Variants in HTR4 observed in about 807,000 individuals in gnomAD.
HTR4 encodes 5-hydroxytryptamine receptor 4.
Under a neutral mutation model 36.8 loss-of-function variants are expected in HTR4, and 16 were observed. The observed-to-expected ratio is 0.43, with a 90% CI of 0.29 to 0.66. The LOEUF (loss-of-function observed/expected upper bound fraction) is 0.66. HTR4 is among the 30% of genes least tolerant of loss of function. The pLI is 0.13. For missense variants in HTR4, 438 were observed against 490.9 expected (o/e 0.89, Z 1.02); for synonymous variants, 189 against 185.1 (o/e 1.02, Z -0.17).
At chr5:148,488,883 T>C (rs1204496754) in intron 6 of HTR4, among the ~76,000 whole-genome samples, 1 of 152,200 alleles carries the variant, frequency 6.6e-6, no homozygotes, top group Non-Finnish European at 1.5e-5. Context: ...TACACCAAAG[T>C]GCGAGATCAA....
chr5:148,507,680 G>A lies in HTR4; in HGVS notation c.1076+1776C>T, dbSNP rs559207430. Among the ~76,000 whole-genome samples, 5 of 151,718 alleles carry A rather than the reference G, an allele frequency of 3.3e-5. No individual in the cohort carries two copies. The South Asian group carries it at 8.3e-4, about 25-fold the overall frequency. ...ACAATGATCCTGCAGATTACCAGAC[G>A]CAGCAGGATTTTAACAATACATCTT... is the stretch of plus-strand genomic sequence containing the variant. On this transcript the variant is annotated intron_variant, in intron 6 of 6. Transcript: ENST00000377888.
At chr5:148,569,707 A>G (rs1760599080) in intron 2 of HTR4, among the ~76,000 whole-genome samples, 1 of 151,976 alleles carries the variant, frequency 6.6e-6, no homozygotes, top group Non-Finnish European at 1.5e-5. Flanking sequence ...ATTATATGAT[A>G]TCATAGGAGT....
chr5:148,498,188 G>A (rs188122095), intron 6 of HTR4, among the ~76,000 whole-genome samples: 28 of 152,308 alleles, frequency 1.8e-4, no homozygotes, highest in Non-Finnish European at 2.5e-4. Flanking sequence ...ATAGGACCAA[G>A]CTTGGGAGAC....
intron 2 of HTR4, among the ~76,000 whole-genome samples, chr5:148,555,116 T>C (rs901969015): frequency 7.9e-5 from 12 of 152,180 alleles, no homozygotes; most frequent in Admixed American, 2.0e-4. Flanking sequence ...ATCAAGGTAC[T>C]GTACAGGGCT....
intron 6 of HTR4, among the ~76,000 whole-genome samples, chr5:148,506,995 A>C (rs1177850812): frequency 6.6e-6 from 1 of 152,132 alleles, no homozygotes; most frequent in Admixed American, 6.5e-5. Flanking sequence ...AACTAGAAAT[A>C]CCATTTGACC....
chr5:148,533,003 G>T (rs571043723), intron 4 of HTR4, among the ~76,000 whole-genome samples: 1 of 152,166 alleles, frequency 6.6e-6, no homozygotes, highest in Non-Finnish European at 1.5e-5. Flanking sequence ...GTTACCAAAA[G>T]ATTTTTAAGC....
intron 2 of HTR4, among the ~76,000 whole-genome samples, chr5:148,609,548 T>G (rs1222160983): frequency 1.3e-5 from 2 of 151,906 alleles, no homozygotes; most frequent in African/African-American, 4.8e-5. Flanking sequence ...CCCACTTTTG[T>G]ATAATGTGCT....
chr5:148,495,654 C>T (rs1756651952), intron 6 of HTR4, among the ~76,000 whole-genome samples: 1 of 152,206 alleles, frequency 6.6e-6, no homozygotes, highest in Non-Finnish European at 1.5e-5. Flanking sequence ...TTCCTACCAC[C>T]TGCCACCTTG....
At chr5:148,614,897 A>C (rs1752598194) in intron 2 of HTR4, among the ~76,000 whole-genome samples, 1 of 152,242 alleles carries the variant, frequency 6.6e-6, no homozygotes, top group Non-Finnish European at 1.5e-5. Context: ...TCTCAAAAGA[A>C]GACATTTATG....
intron 2 of HTR4, among the ~76,000 whole-genome samples, chr5:148,597,272 A>C (rs1761814785): frequency 6.6e-6 from 1 of 152,186 alleles, no homozygotes; most frequent in East Asian, 1.9e-4. Flanking sequence ...TGTCATATTC[A>C]TTTCTGATTT....
chr5:148,535,007 C>T (rs1300300184), intron 4 of HTR4, among the ~76,000 whole-genome samples: 1 of 152,102 alleles, frequency 6.6e-6, no homozygotes, highest in Non-Finnish European at 1.5e-5. Context: ...AGAGGGAACA[C>T]AGCTGCAACT....
At position 148,551,194 on chromosome 5, in the gene HTR4, G is replaced by A. The variant is rs192381242; in HGVS notation, c.27-932C>T. ...CTGAATGCAAAGCCATCTTGTTACA[G>A]TGTCCCATTCCAGCCCATGCAGAAG... is the stretch of plus-strand genomic sequence containing the variant. On this transcript the variant is annotated intron_variant, in intron 2 of 6. Transcript: ENST00000377888. Among the ~76,000 whole-genome samples, 10 of 152,292 alleles carry A rather than the reference G, an allele frequency of 6.6e-5. No homozygotes were observed. The East Asian group carries it at 1.9e-3, about 29-fold the overall frequency.
intron 2 of HTR4, among the ~76,000 whole-genome samples, chr5:148,566,678 G>C (rs1760453362): frequency 6.6e-6 from 1 of 152,026 alleles, no homozygotes; most frequent in Non-Finnish European, 1.5e-5. Flanking sequence ...ACACTGAAAT[G>C]CAAATCTGGT....
At chr5:148,467,315 A>G (rs1755453678) in intron 5 of HTR4, among the ~76,000 whole-genome samples, 2 of 152,220 alleles carry the variant, frequency 1.3e-5, no homozygotes, top group African/African-American at 2.4e-5. Context: ...TTTAATTATG[A>G]TCCTAACAAC....
At position 148,482,158 on chromosome 5, in the gene HTR4, C is replaced by T. The variant is rs1240660721; in HGVS notation, c.*1045G>A. 1.0e-6 allele frequency: 1 copy of T among 985,666 alleles called. No homozygotes were observed. The highest frequency in any genetic ancestry group is 1.2e-6 in the Non-Finnish European group (1 of 830,282). 61.1% of individuals were successfully genotyped at this position (985,666 alleles called of 1,614,324 possible). The stretch of plus-strand genomic sequence containing the variant: ...TCAAGTACAGCATTGCCTCGGCATC[C>T]CCAGTGCTGCTGGATCCTGCCCTCC... On this transcript the variant is annotated 3_prime_UTR_variant, in exon 7 of 7. Transcript: ENST00000377888.
At chr5:148,539,775 A>G (rs1301497467) in intron 4 of HTR4, among the ~76,000 whole-genome samples, 2 of 152,178 alleles carry the variant, frequency 1.3e-5, no homozygotes, top group Admixed American at 6.6e-5. Flanking sequence ...TGTTGGAGGG[A>G]ATGTAAATTA....
At chr5:148,520,843 C>T in intron 5 of HTR4, 1 of 1,347,784 alleles carries the variant, frequency 7.4e-7, no homozygotes, top group Non-Finnish European at 9.9e-7. Context: ...AAAAAATGTC[C>T]ATGCAGTTAC....
chr5:148,604,057 A>G (rs182360566), intron 2 of HTR4, among the ~76,000 whole-genome samples: 65 of 152,278 alleles, frequency 4.3e-4, no homozygotes, highest in Admixed American at 3.2e-3. Context: ...AATGTGAAAG[A>G]TAAAGTAATA....
Position 148,508,247 on chromosome 5 carries a change from C to T in HTR4, c.1076+1209G>A, listed in dbSNP as rs531189668. On this transcript the variant is annotated intron_variant, in intron 6 of 6. Transcript: ENST00000377888. The stretch of plus-strand genomic sequence containing the variant: ...TTAAATGCTTGTTTCAAAGAAGGAA[C>T]TACTCCTTAGAAATTCCTGCGCATC... Among the ~76,000 whole-genome samples the T allele has an allele frequency of 3.3e-5, 5 of 152,252 alleles. No individual in the cohort carries two copies. In the South Asian group the frequency reaches 6.2e-4, roughly 19 times the overall value.
Sources: allele counts gnomAD v4.1 joint callset (sites outside exome capture counted in the v4.1 genomes callset), GRCh38; gene constraint gnomAD v4.1.1; transcripts MANE v1.5; gene names NCBI Gene and HGNC (gene_info 2026-07-23, HGNC 2026-07-21).